PAX9: variants seen among roughly 807,000 people sequenced by gnomAD.
PAX9 encodes paired box protein Pax-9.
Under a neutral mutation model 29.1 loss-of-function variants are expected in PAX9, and 6 were observed. That is an observed-to-expected ratio of 0.21 (90% CI 0.11 to 0.41). The LOEUF is 0.41. PAX9 is among the 10% of genes least tolerant of loss of function. PAX9 has a pLI of 1.00. For missense variants in PAX9, 443 were observed against 479.1 expected (o/e 0.92, Z 0.70); for synonymous variants, 217 against 211.7 (o/e 1.03, Z -0.22).
chr14:36,659,573 A>G (rs1881178492), upstream of PAX9, among the ~76,000 whole-genome samples: 1 of 152,176 alleles, frequency 6.6e-6, no homozygotes. Context: ...AAGAGCACCC[A>G]GTACCTGCAA....
chr14:36,668,493 G>A (rs1411699019), intron 3 of PAX9, among the ~76,000 whole-genome samples: 1 of 152,236 alleles, frequency 6.6e-6, no homozygotes, highest in South Asian at 2.1e-4. Context: ...GGTTCAAGCG[G>A]TTCTCCTGCC....
intron 3 of PAX9, among the ~76,000 whole-genome samples, chr14:36,674,186 T>C (rs1881798796): frequency 6.6e-6 from 1 of 152,234 alleles, no homozygotes; most frequent in Admixed American, 6.5e-5. Context: ...TAATCAGCCA[T>C]TCTCAAAAAG....
upstream of PAX9, among the ~76,000 whole-genome samples, chr14:36,659,947 A>G (rs1048518975): frequency 1.3e-5 from 2 of 152,188 alleles, no homozygotes; most frequent in Non-Finnish European, 2.9e-5. Flanking sequence ...GTATGCGAAC[A>G]TCCTTGTACC....
rs1382192095 is a variant in PAX9, at chr14:36,663,500, G to T, written c.608G>T (p.Gly203Val). The T allele has an allele frequency of 6.2e-7, 1 of 1,612,954 alleles. No homozygotes were observed. The part of the protein sequence containing the change: ...PSSHSVTDIL[G>V]IRSITDQVSD... ...TCGCACTCCGTCACCGACATCCTGG[G>T]CATCCGCTCCATCACCGACCAAGGT... Residue 203 changes from glycine to valine, a missense_variant, in exon 2 of 4, where the codon GGC (glycine) becomes GTC (valine). Transcript: ENST00000361487.
chr14:36,673,530 C>CAGGGGGAAAATCTCTGGGCAAAAAG (rs6145299), intron 3 of PAX9, among the ~76,000 whole-genome samples: 1 of 151,988 alleles, frequency 6.6e-6, no homozygotes, highest in Non-Finnish European at 1.5e-5. Flanking sequence ...GGCCATCTTC[C>CAGGGGGAAAATCTCTGGGCAAAAAG]AAGTGGGTCC....
At chr14:36,673,940 A>G (rs11156925) in intron 3 of PAX9, among the ~76,000 whole-genome samples, 41,059 of 151,974 alleles carry the variant, frequency 0.27, 8,771 homozygotes, top group African/African-American at 0.6. Context: ...ACATTAGTCA[A>G]TGCTGGAAAT....
rs144333747 is a variant in PAX9, at chr14:36,666,514, G to A, written c.684G>A (p.Leu228=). 3.3e-5 allele frequency: 53 copies of A among 1,606,160 alleles called. No homozygotes were observed. The African/African-American group carries it at 4.3e-4, about 13-fold the overall frequency. The change falls in exon 3 of 4, where the codon CTG becomes CTA. Residue 228 remains leucine, a synonymous_variant. Transcript: ENST00000361487. ...CCAAGGTGGAGGAGTGGAGCAGCCT[G>A]GGCCGCAACAACTTCCCCGCCGCCG... is the stretch of plus-strand genomic sequence containing the variant. ...HSPKVEEWSS[L]GRNNFPAAAP...
rs1882072976 is a variant in PAX9 at position 36,679,282 on chromosome 14, G to A, written c.*2830G>A. 2.0e-6 allele frequency: 2 copies of A among 980,038 alleles called. No individual in the cohort carries two copies. Among genetic ancestry groups the A allele is most frequent in the Non-Finnish European group, 2.4e-6 (2 of 825,118 alleles). 60.7% of individuals were successfully genotyped at this position (980,038 alleles called of 1,614,324 possible). On this transcript the variant is annotated 3_prime_UTR_variant, in exon 4 of 4. Coordinates refer to ENST00000361487, the MANE Select transcript of PAX9 (RefSeq NM_001372076.1). The stretch of plus-strand genomic sequence containing the variant: ...CGTTGGAAAGGATGTACAACAGAAG[G>A]CTATGTATGTATATACAGTATGTCA...
At position 36,663,207 on chromosome 14, in the gene PAX9, CCTG is replaced by C; in HGVS notation, c.319_321del (p.Leu107del). On this transcript the variant is annotated inframe_deletion, in exon 2 of 4. Transcript: ENST00000361487. ...TCTTCGCCTGGGAGATCCGGGACCG[CCTG>C]CTGGCGGACGGCGTGTGCGACAAGT... 6.2e-7 allele frequency: 1 copy of C among 1,614,098 alleles called. No homozygotes were observed. The highest frequency in any genetic ancestry group is 1.6e-4 in the Middle Eastern group (1 of 6,062).
chr14:36,663,650 G>T (rs1881378923), intron 2 of PAX9, 127 bp downstream of exon 2: 2 of 1,225,902 alleles, frequency 1.6e-6, no homozygotes, highest in Non-Finnish European at 2.3e-6. Context: ...CTTTGGAAAC[G>T]TAAGGAGTCT....
intron 3 of PAX9, among the ~76,000 whole-genome samples, chr14:36,667,233 C>T (rs1170437506): frequency 6.6e-6 from 1 of 152,052 alleles, no homozygotes; most frequent in African/African-American, 2.4e-5. Context: ...GTGAGAAAAC[C>T]TCAAATTATA....
chr14:36,660,095 A>T (rs961281334), upstream of PAX9, among the ~76,000 whole-genome samples: 2 of 152,054 alleles, frequency 1.3e-5, no homozygotes, highest in Non-Finnish European at 2.9e-5. Flanking sequence ...GGGCATGTTC[A>T]TTCCCTCCCG....
At chr14:36,673,753 C>T (rs1257504381) in intron 3 of PAX9, among the ~76,000 whole-genome samples, 4 of 152,142 alleles carry the variant, frequency 2.6e-5, no homozygotes, top group Admixed American at 6.5e-5. Context: ...AAATAGAACT[C>T]GCCAACAGTT....
rs367899839 is a variant in PAX9 at position 36,663,569 on chromosome 14, C to T, written c.631+46C>T. On this transcript the variant is annotated intron_variant, in intron 2 of 3. Coordinates refer to ENST00000361487, the MANE Select transcript of PAX9 (RefSeq NM_001372076.1). ...CGTGTGGATGTGCAGCGTCTGCCCCCGCACTCTCGCGGAGGTCCCAGTATC... is the reference window on the plus strand; with the variant it reads ...CGTGTGGATGTGCAGCGTCTGCCCCTGCACTCTCGCGGAGGTCCCAGTATC... 7 of 1,608,594 alleles carry T rather than the reference C, an allele frequency of 4.4e-6. No homozygotes were observed. The African/African-American group carries it at 8.0e-5, about 18-fold the overall frequency.
Position 36,663,407 on chromosome 14 carries a change from A to G in PAX9, c.515A>G (p.Lys172Arg). 6.2e-7 allele frequency: 1 copy of G among 1,613,272 alleles called. No homozygotes were observed. The highest frequency in any genetic ancestry group is 8.5e-7 in the Non-Finnish European group (1 of 1,179,826). The change falls in exon 2 of 4, where the codon AAG (lysine) becomes AGG (arginine). Residue 172 changes from lysine to arginine, a missense_variant. Lys to Arg is a conservative substitution (Grantham distance 26). Transcript: ENST00000361487. ...AGCCCTATCACGGCGGCGGCCGCCAAGGTGCCCACGCCACCCGGGGTGCCT... is the reference window on the plus strand; with the variant it reads ...AGCCCTATCACGGCGGCGGCCGCCAGGGTGCCCACGCCACCCGGGGTGCCT... ...YPSPITAAAA[K>R]VPTPPGVPAI... is the part of the protein sequence containing the mutation.
In PAX9 at chr14:36,676,122, T is replaced by A. The variant is rs1357893618; in HGVS notation, c.772-76T>A. On this transcript the variant is annotated intron_variant, in intron 3 of 3. Transcript: ENST00000361487. Reference sequence around the variant, plus strand: ...TGCTGGCTTACTCAGACTTAAGTTCTGCTTCTTTCTAAGAACGTGTGAAAT... The same window carrying A: ...TGCTGGCTTACTCAGACTTAAGTTCAGCTTCTTTCTAAGAACGTGTGAAAT... The A allele has an allele frequency of 2.6e-6, 4 of 1,519,016 alleles. No individual in the cohort carries two copies. In the East Asian group the frequency reaches 9.0e-5, roughly 34 times the overall value. The allele number at this position is 1,519,016 out of a possible 1,614,324, so 94.1% of individuals were successfully genotyped here.
chr14:36,664,479 C>T (rs1310264923), intron 2 of PAX9, among the ~76,000 whole-genome samples: 4 of 152,072 alleles, frequency 2.6e-5, no homozygotes, highest in Admixed American at 6.5e-5. Flanking sequence ...TAGTCCTAAG[C>T]GTCCTTTCTG....
chr14:36,664,676 T>C (rs1273631845), intron 2 of PAX9, among the ~76,000 whole-genome samples: 2 of 151,984 alleles, frequency 1.3e-5, no homozygotes, highest in African/African-American at 4.8e-5. Flanking sequence ...TCCACTTTCT[T>C]AATTTCTCAG....
At chr14:36,662,493 CGG>C in intron 1 of PAX9, 1 of 380,686 alleles carries the variant, frequency 2.6e-6, no homozygotes, top group Admixed American at 4.2e-5. Flanking sequence ...TTTAACTGGC[CGG>C]GTCTCCAGAA....
Sources: allele counts gnomAD v4.1 joint callset (sites outside exome capture counted in the v4.1 genomes callset), GRCh38; gene constraint gnomAD v4.1.1; transcripts MANE v1.5; gene names NCBI Gene and HGNC (gene_info 2026-07-23, HGNC 2026-07-21).